The following EPHA2 variants were observed in gnomAD, a reference collection of about 807,000 sequenced individuals.
EPHA2 encodes the protein EPH receptor A2, also known as ephrin type-A receptor 2.
EPHA2 carries 54 observed loss-of-function variants against 104.9 expected under a neutral mutation model. That is an observed-to-expected ratio of 0.51 (90% CI 0.41 to 0.65). The LOEUF (loss-of-function observed/expected upper bound fraction) is 0.65, where lower values mean the gene tolerates loss of function less well. Among genes scored for constraint, EPHA2 ranks in the 30% least tolerant of loss-of-function variants. EPHA2 has a pLI of 0.00. For synonymous variants in EPHA2, 560 were observed against 559.1 expected (o/e 1.00, Z -0.02); for missense variants, 1,117 against 1,369.5 (o/e 0.82, Z 2.91).
Position 16,125,477 on chromosome 1 carries a change from G to A in EPHA2, c.2826-157C>T, listed in dbSNP as rs570510560. ...TGCCTTGGGGACCTGTAGGGCAAGA[G>A]AGCTCTGGTTAGGTAGGCCTGGGAG... On this transcript the variant is annotated intron_variant, in intron 16 of 16. Transcript: ENST00000358432. The surrounding 1 kb of genome is among the most constrained non-coding windows in gnomAD (Gnocchi z 4.9). Among the ~76,000 whole-genome samples, 1 of 152,162 alleles carries A rather than the reference G, an allele frequency of 6.6e-6. No homozygotes were observed. Among genetic ancestry groups the A allele is most frequent in the East Asian group, 1.9e-4 (1 of 5,166 alleles).
rs1225440325 is a variant in EPHA2 at position 16,131,943 on chromosome 1, G to C, written c.2326-73C>G. The C allele has an allele frequency of 6.3e-7, 1 of 1,599,302 alleles. No homozygotes were observed. The highest frequency in any genetic ancestry group is 8.5e-7 in the Non-Finnish European group (1 of 1,172,100). On this transcript the variant is annotated intron_variant, in intron 13 of 16. Transcript: ENST00000358432. This position sits in a 1 kb window ranked among gnomAD's most constrained non-coding sequence, Gnocchi z 5.2. ...CAGGACCATTGCAGCCAAGCCCCAC[G>C]ACCCCTCCCTGGACTCCTACAGGTG... is the stretch of plus-strand genomic sequence containing the variant.
Position 16,152,060 on chromosome 1 carries a change from G to A in EPHA2, c.86-1097C>T, listed in dbSNP as rs2025048298. ...TGCTACCCTCCCTAGAGGGTAAGGA[G>A]ATAGGAGAAACCGGGGCATAGAACC... On this transcript the variant is annotated intron_variant, in intron 1 of 16. Transcript: ENST00000358432. Among the ~76,000 whole-genome samples the A allele has an allele frequency of 2.0e-5, 3 of 152,246 alleles. No homozygotes were observed. The East Asian group carries it at 5.8e-4, about 29-fold the overall frequency.
chr1:16,133,698 G>C (rs981809256), intron 9 of EPHA2, 92 bp from the exon 10 acceptor site: 1 of 1,584,092 alleles, frequency 6.3e-7, no homozygotes, highest in Non-Finnish European at 8.6e-7. Context: ...GTGATCTTCA[G>C]AGACTTGGAC....
chr1:16,148,403 G>A lies in EPHA2; in HGVS notation c.798C>T (p.Tyr266=), dbSNP rs144222862. 104 of 1,613,524 alleles carry A rather than the reference G, an allele frequency of 6.4e-5. No individual in the cohort carries two copies. The highest frequency in any genetic ancestry group is 8.2e-5 in the Non-Finnish European group (97 of 1,180,044). ...CCTGGCAGGCATCCTCCACCTTCTC[G>A]TAGCCTGCCTGGCACAGGCACTGCC... ...PIGQCLCQAG[Y]EKVEDACQAC... The change falls in exon 3 of 17, where the codon TAC becomes TAT. Residue 266 remains tyrosine (Y), a synonymous_variant. Coordinates refer to ENST00000358432, the MANE Select transcript of EPHA2 (RefSeq NM_004431.5). The surrounding 1 kb of genome is among the most constrained non-coding windows in gnomAD (Gnocchi z 4.9).
rs1412712186 is a variant in EPHA2, at chr1:16,138,038, C to A, written c.1127G>T (p.Cys376Phe). Residue 376 changes from cysteine to phenylalanine, a missense_variant, in exon 5 of 17, where the codon TGC becomes TTC. By Grantham distance (205) the Cys-to-Phe change is radical. This residue lies in a region of EPHA2 where 664 missense variants were observed against 784.8 expected (regional missense o/e 0.85). Transcript: ENST00000358432. ...GCGCACACTGGCCTCACACGGCCCGCATTCCCCAGACTCGGGCCAGCACTG... is the reference window on the plus strand; with the variant it reads ...GCGCACACTGGCCTCACACGGCCCGAATTCCCCAGACTCGGGCCAGCACTG... ...CEQCWPESGE[C>F]GPCEASVRYS... is the part of the protein sequence containing the mutation. The A allele has an allele frequency of 1.3e-5, 21 of 1,613,366 alleles. No homozygotes were observed. Among genetic ancestry groups the A allele is most frequent in the Non-Finnish European group, 1.7e-5 (20 of 1,179,958 alleles).
intron 3 of EPHA2, among the ~76,000 whole-genome samples, chr1:16,141,238 T>A (rs1165782841): frequency 1.3e-5 from 2 of 152,162 alleles, no homozygotes; most frequent in Non-Finnish European, 2.9e-5. Flanking sequence ...AACTGGGCAC[T>A]TTTGTGTCTG....
At chr1:16,129,627 C>T (rs1005778970) in intron 15 of EPHA2, 38 bp from the exon 16 acceptor site, 15 of 1,588,096 alleles carry the variant, frequency 9.4e-6, no homozygotes, top group African/African-American at 8.0e-5. Context: ...GGCTGCAGCA[C>T]CCAGTCCACC....
intron 16 of EPHA2, among the ~76,000 whole-genome samples, chr1:16,126,893 C>A (rs2024479738): frequency 6.6e-6 from 1 of 152,204 alleles, no homozygotes; most frequent in Non-Finnish European, 1.5e-5. Flanking sequence ...CCGCCCCCAC[C>A]CCTGCCCAGG....
At chr1:16,133,997 G>A in intron 8 of EPHA2, 82 bp from the exon 9 acceptor site, 4 of 1,415,808 alleles carry the variant, frequency 2.8e-6, no homozygotes, top group Non-Finnish European at 3.8e-6. Flanking sequence ...GCCCTACTTT[G>A]GTCCTAGGAG....
At chr1:16,144,030 C>A (rs2024880229) in intron 3 of EPHA2, among the ~76,000 whole-genome samples, 1 of 152,150 alleles carries the variant, frequency 6.6e-6, no homozygotes, top group Non-Finnish European at 1.5e-5. Context: ...AAGCACCACT[C>A]CCCACCTCAG....
In EPHA2 at chr1:16,137,976, C is replaced by T; in HGVS notation, c.1189G>A (p.Val397Met). Reference protein sequence around the residue: ...EPPHGLTRTSVTVSDLEPHMN... With the variant: ...EPPHGLTRTSMTVSDLEPHMN... ...TGGGGCTCCAGGTCGCTCACTGTCA[C>T]ACTGGTGCGGGTCAGTCCGTGAGGA... Residue 397 changes from valine (V) to methionine (M), a missense_variant, in exon 5 of 17, where the codon GTG becomes ATG. By Grantham distance (21) the Val-to-Met change is conservative. Coordinates refer to ENST00000358432, the MANE Select transcript of EPHA2 (RefSeq NM_004431.5). 1 of 1,614,192 alleles carries T rather than the reference C, an allele frequency of 6.2e-7. No individual in the cohort carries two copies. The highest frequency in any genetic ancestry group is 1.1e-5 in the South Asian group (1 of 91,090).
chr1:16,131,409 GTC>G lies in EPHA2; in HGVS notation c.2475+310_2475+311del, dbSNP rs2024566665. ...AGCCTGGCCAACATAGTGAAACCCC[GTC>G]TCTACTAAAAATACAAAAATTAGCT... On this transcript the variant is annotated intron_variant, in intron 14 of 16. Coordinates refer to ENST00000358432, the MANE Select transcript of EPHA2 (RefSeq NM_004431.5). The surrounding 1 kb of genome is among the most constrained non-coding windows in gnomAD (Gnocchi z 5.2). 6.6e-6 allele frequency among the ~76,000 whole-genome samples: 1 copy of G among 151,944 alleles called. No homozygotes were observed. The highest frequency in any genetic ancestry group is 1.5e-5 in the Non-Finnish European group (1 of 67,996).
At chr1:16,152,979 A>G (rs879622803) in intron 1 of EPHA2, among the ~76,000 whole-genome samples, 33 of 151,980 alleles carry the variant, frequency 2.2e-4, no homozygotes, top group Non-Finnish European at 4.7e-4. Context: ...CTCTTTCCCC[A>G]GGTTCTTCCA....
chr1:16,132,479 A>G (rs2024592727), intron 11 of EPHA2, 40 bp from the exon 12 acceptor site: 1 of 1,610,914 alleles, frequency 6.2e-7, no homozygotes, highest in Non-Finnish European at 8.5e-7. Flanking sequence ...AAGTGGGCCC[A>G]GGCATGTGGG....
rs1234487584 is a variant in EPHA2, at chr1:16,125,479, G to A, written c.2826-159C>T. 2.6e-5 allele frequency among the ~76,000 whole-genome samples: 4 copies of A among 152,048 alleles called. No homozygotes were observed. In the East Asian group the frequency reaches 7.7e-4, roughly 29 times the overall value. On this transcript the variant is annotated intron_variant, in intron 16 of 16. Transcript: ENST00000358432. The surrounding 1 kb of genome is among the most constrained non-coding windows in gnomAD (Gnocchi z 4.9). ...CCTTGGGGACCTGTAGGGCAAGAGA[G>A]CTCTGGTTAGGTAGGCCTGGGAGAA...
At position 16,125,442 on chromosome 1, in the gene EPHA2, G is replaced by A. The variant is rs972583723; in HGVS notation, c.2826-122C>T. The A allele has an allele frequency of 2.2e-5, 16 of 733,692 alleles. No individual in the cohort carries two copies. The highest frequency in any genetic ancestry group is 3.1e-5 in the Non-Finnish European group (14 of 447,730). The allele number at this position is 733,692 out of a possible 1,614,324, so 45.4% of individuals were successfully genotyped here. A position where few individuals can be genotyped will look rare whatever the true frequency, so the allele number is the denominator to read the frequency against. On this transcript the variant is annotated intron_variant, in intron 16 of 16. Transcript: ENST00000358432. This position sits in a 1 kb window ranked among gnomAD's most constrained non-coding sequence, Gnocchi z 4.9. The stretch of plus-strand genomic sequence containing the variant: ...GAGTGGAGGGAGGCAGAGGAGGAGG[G>A]TGGAGAGGGTGCCTTGGGGACCTGT...
In EPHA2 at chr1:16,134,335, C is replaced by T. The variant is rs1167864316; in HGVS notation, c.1682+133G>A. 1.7e-5 allele frequency: 18 copies of T among 1,030,278 alleles called. No homozygotes were observed. The highest frequency in any genetic ancestry group is 5.2e-5 in the East Asian group (2 of 38,518). 63.8% of individuals were successfully genotyped at this position (1,030,278 alleles called of 1,614,324 possible). The stretch of plus-strand genomic sequence containing the variant: ...CTACACACTCTAACTCGTATATCCT[C>T]GCACCATCCGGAGGCAGGGATTAGA... On this transcript the variant is annotated intron_variant, in intron 8 of 16. Coordinates refer to ENST00000358432, the MANE Select transcript of EPHA2 (RefSeq NM_004431.5). This position sits in a 1 kb window ranked among gnomAD's most constrained non-coding sequence, Gnocchi z 4.5.
intron 16 of EPHA2, among the ~76,000 whole-genome samples, chr1:16,126,617 G>C (rs533000057): frequency 6.6e-6 from 1 of 152,292 alleles, no homozygotes; most frequent in East Asian, 1.9e-4. Flanking sequence ...TGGAGGTGCT[G>C]AAAAAGCAGC....
intron 16 of EPHA2, among the ~76,000 whole-genome samples, chr1:16,126,678 C>G (rs1454799907): frequency 6.6e-6 from 1 of 152,220 alleles, no homozygotes; most frequent in Non-Finnish European, 1.5e-5. Context: ...GAAAAGCGCT[C>G]AGACCACGGT....
Sources: allele counts gnomAD v4.1 joint callset (sites outside exome capture counted in the v4.1 genomes callset), GRCh38; gene constraint gnomAD v4.1.1; regional missense constraint gnomAD v4.1.1; non-coding constraint Gnocchi (gnomAD v3.1); transcripts MANE v1.5; gene names NCBI Gene and HGNC (gene_info 2026-07-23, HGNC 2026-07-21).